Variants in PRDM16 observed in about 807,000 individuals in gnomAD.
PRDM16 encodes the protein PR/SET domain 16.
PRDM16 carries 23 observed loss-of-function variants against 110.6 expected under a neutral mutation model. The observed-to-expected ratio is 0.21, with a 90% CI of 0.15 to 0.29. The LOEUF is 0.29. Among genes scored for constraint, PRDM16 ranks in the 10% least tolerant of loss-of-function variants. PRDM16 has a pLI of 1.00. For synonymous variants in PRDM16, 799 were observed against 781.8 expected, an observed-to-expected ratio of 1.02 and a Z score of -0.37; for missense variants, 1,615 against 1,794.3, an observed-to-expected ratio of 0.90 and a Z score of 1.81.
chr1:3,141,832 G>A (rs1407401526), intron 1 of PRDM16, among the ~76,000 whole-genome samples: 1 of 152,224 alleles, frequency 6.6e-6, no homozygotes, highest in Non-Finnish European at 1.5e-5. Flanking sequence ...AGTTGGGGTG[G>A]GGGCGGCCTT....
At chr1:3,351,601 TCCCTCTCTCTCC>T (rs1557626938) in intron 3 of PRDM16, among the ~76,000 whole-genome samples, 14 of 4,342 alleles carry the variant, frequency 3.2e-3, no homozygotes, top group South Asian at 0.011. Flanking sequence ...TCTCTTCCCC[TCCCTCTCTCTCC>T]CCCTCCCTCT....
At chr1:3,096,265 G>T (rs769316029) in intron 1 of PRDM16, among the ~76,000 whole-genome samples, 22 of 152,206 alleles carry the variant, frequency 1.4e-4, no homozygotes, top group Non-Finnish European at 2.4e-4. Flanking sequence ...CCTGCTCATG[G>T]CAGTTCCCCA....
chr1:3,365,909 TGCACACATACACACAC>T (rs1378757478), intron 3 of PRDM16, among the ~76,000 whole-genome samples: 3 of 149,990 alleles, frequency 2.0e-5, no homozygotes, highest in South Asian at 2.2e-4. Context: ...TGCACACACA[TGCACACATACACACAC>T]GCACACATGC....
chr1:3,396,039 C>T (rs1279744164), intron 4 of PRDM16, among the ~76,000 whole-genome samples: 16 of 152,224 alleles, frequency 1.1e-4, no homozygotes, highest in Admixed American at 1.0e-3. Flanking sequence ...TGGCCAGGCG[C>T]AGCTCATGGC....
intron 3 of PRDM16, among the ~76,000 whole-genome samples, chr1:3,289,431 G>C (rs1435803439): frequency 6.6e-6 from 1 of 152,204 alleles, no homozygotes; most frequent in Non-Finnish European, 1.5e-5. Context: ...TGCCTGCAGC[G>C]AGTTCCCACC....
intron 1 of PRDM16, among the ~76,000 whole-genome samples, chr1:3,145,470 G>A (rs1437369659): frequency 2.6e-5 from 4 of 152,150 alleles, no homozygotes; most frequent in Non-Finnish European, 4.4e-5. Context: ...GGCCTTGGAC[G>A]GCAGCCTGGA....
chr1:3,287,509 C>CCT (rs370657563), intron 3 of PRDM16, among the ~76,000 whole-genome samples: 2 of 76,012 alleles, frequency 2.6e-5, no homozygotes, highest in African/African-American at 1.3e-4. Flanking sequence ...GGAGCCGCCC[C>CCT]GCCACGCGGG....
intron 3 of PRDM16, among the ~76,000 whole-genome samples, chr1:3,294,279 G>T (rs985530538): frequency 6.6e-6 from 1 of 152,142 alleles, no homozygotes; most frequent in African/African-American, 2.4e-5. Context: ...GCTGTGGAGT[G>T]GGGGTGTATC....
chr1:3,402,704 G>A (rs774129730), intron 5 of PRDM16, 87 bp from the exon 6 acceptor site: 5 of 1,221,084 alleles, frequency 4.1e-6, no homozygotes, highest in East Asian at 2.4e-5. Context: ...AGGCACCGTG[G>A]TGAGGGGGCC....
intron 1 of PRDM16, among the ~76,000 whole-genome samples, chr1:3,076,367 G>A (rs573729097): frequency 4.7e-4 from 72 of 152,298 alleles, no homozygotes; most frequent in African/African-American, 1.6e-3. Flanking sequence ...CTGTTGGGGC[G>A]GGGAGATGAG....
intron 4 of PRDM16, among the ~76,000 whole-genome samples, 174 bp downstream of exon 4, chr1:3,385,460 G>A (rs1032040131): frequency 2.6e-5 from 4 of 152,272 alleles, no homozygotes; most frequent in South Asian, 2.1e-4. Flanking sequence ...ACTGGCTTCC[G>A]GGGAGCTGAC....
intron 2 of PRDM16, among the ~76,000 whole-genome samples, chr1:3,234,593 C>A (rs576423633): frequency 6.6e-6 from 1 of 152,172 alleles, no homozygotes; most frequent in African/African-American, 2.4e-5. Context: ...AGAGCCACCC[C>A]GAGCACAGGG....
intron 3 of PRDM16, among the ~76,000 whole-genome samples, chr1:3,293,778 T>C (rs1380615827): frequency 6.6e-6 from 1 of 151,594 alleles, no homozygotes; most frequent in Non-Finnish European, 1.5e-5. Flanking sequence ...GGTCCGGGAG[T>C]CGGCAGCAAT....
At position 3,114,404 on chromosome 1, in the gene PRDM16, A is replaced by G. The variant is rs780101290; in HGVS notation, c.37+45108A>G. Among the ~76,000 whole-genome samples, 8 of 103,914 alleles carry G rather than the reference A, an allele frequency of 7.7e-5. No homozygotes were observed. In the East Asian group the frequency reaches 1.9e-3, roughly 25 times the overall value. 68.2% of individuals were successfully genotyped at this position (103,914 alleles called of 152,430 possible). Reference sequence around the variant, plus strand: ...TAAACAGACGCGCACGCACGCGCACACACACGCACACACATGCACACACCA... The same window carrying G: ...TAAACAGACGCGCACGCACGCGCACGCACACGCACACACATGCACACACCA... On this transcript the variant is annotated intron_variant, in intron 1 of 16. Coordinates refer to ENST00000270722, the MANE Select transcript of PRDM16 (RefSeq NM_022114.4).
chr1:3,114,199 G>GCA (rs1553127283), intron 1 of PRDM16, among the ~76,000 whole-genome samples: 5 of 110,356 alleles, frequency 4.5e-5, no homozygotes, highest in Admixed American at 9.4e-5. Flanking sequence ...ACACGCACAC[G>GCA]CACGCACACA....
chr1:3,371,208 CCCACCCACCCAT>C (rs1381013620), intron 3 of PRDM16, among the ~76,000 whole-genome samples: 311 of 18,492 alleles, frequency 0.017, no homozygotes, highest in Non-Finnish European at 0.021. Flanking sequence ...CATCCATCCA[CCCACCCACCCAT>C]CCACCCATCC....
intron 3 of PRDM16, among the ~76,000 whole-genome samples, chr1:3,283,099 C>T (rs1486218644): frequency 6.6e-6 from 1 of 152,200 alleles, no homozygotes. Context: ...CTTCACTCTG[C>T]CCCTCCCGAC....
At chr1:3,158,456 T>C (rs1002132986) in intron 1 of PRDM16, among the ~76,000 whole-genome samples, 12 of 152,218 alleles carry the variant, frequency 7.9e-5, no homozygotes, top group Non-Finnish European at 8.8e-5. Context: ...TTAAAACATT[T>C]TTAAAACCTA....
At chr1:3,194,736 C>CCGTCTGATCGCCACACGCCAT (rs1164061168) in intron 2 of PRDM16, among the ~76,000 whole-genome samples, 11 of 151,974 alleles carry the variant, frequency 7.2e-5, no homozygotes, top group Non-Finnish European at 1.6e-4. Flanking sequence ...CCACACGCCA[C>CCGTCTGATCGCCACACGCCAT]CGTCTGATCG....
Sources: gnomAD v4.1 joint callset for allele counts (sites outside exome capture counted in the v4.1 genomes callset) on GRCh38, gnomAD v4.1.1 for gene constraint, MANE v1.5 for transcripts, NCBI Gene and HGNC (gene_info 2026-07-23, HGNC 2026-07-21) for gene names.